Variants in PPP1CA observed in about 807,000 individuals in gnomAD.
The protein encoded by PPP1CA is serine/threonine-protein phosphatase PP1-alpha catalytic subunit.
In PPP1CA, 14 loss-of-function variants were observed where a neutral mutation model predicts 38.5. The observed-to-expected ratio is 0.36, with a 90% CI of 0.24 to 0.57. The LOEUF is 0.57. Among genes scored for constraint, PPP1CA ranks in the 20% least tolerant of loss-of-function variants. PPP1CA has a pLI of 0.80. For synonymous variants in PPP1CA, 200 were observed against 177.3 expected (o/e 1.13, Z -1.02); for missense variants, 277 against 435.2 (o/e 0.64, Z 3.23).
At chr11:67,400,603 A>T in intron 3 of PPP1CA, 86 bp downstream of exon 3, 1 of 1,300,724 alleles carries the variant, frequency 7.7e-7, no homozygotes, top group Non-Finnish European at 1.1e-6. Flanking sequence ...AGTGTCTGTC[A>T]GATATCAGGC....
At chr11:67,400,122 A>G (rs1178547131) in intron 3 of PPP1CA, among the ~76,000 whole-genome samples, 1 of 152,178 alleles carries the variant, frequency 6.6e-6, no homozygotes, top group Non-Finnish European at 1.5e-5. Flanking sequence ...GGGCAACAAG[A>G]GTGAAACTCC....
chr11:67,398,998 T>C lies in PPP1CA; in HGVS notation c.689A>G (p.Glu230Gly). 6.2e-7 allele frequency: 1 copy of C among 1,613,350 alleles called. No homozygotes were observed. The highest frequency in any genetic ancestry group is 1.1e-5 in the South Asian group (1 of 91,084). The change falls in exon 5 of 7, where the codon GAG becomes GGG. Residue 230 changes from glutamate to glycine, a missense_variant. Glu to Gly is a moderately conservative substitution (Grantham distance 98). Coordinates refer to ENST00000376745, the MANE Select transcript of PPP1CA (RefSeq NM_002708.4). ...DRGVSFTFGA[E>G]VVAKFLHKHD... ...CTTGTGGAGGAACTTGGCCACCACC[T>C]CGGCTCCAAAGGTAAAAGAGACGCC...
chr11:67,401,153 C>T lies in PPP1CA; in HGVS notation c.102G>A (p.Glu34=). Reference sequence around the variant, plus strand: ...GGGATTTCAGGCACAGACCGCGGATCTCGTTCTCTGTCAGCTGTACATTCT... The same window carrying T: ...GGGATTTCAGGCACAGACCGCGGATTTCGTTCTCTGTCAGCTGTACATTCT... ...PGKNVQLTEN[E]IRGLCLKSRE... is the part of the protein sequence containing the mutation. Residue 34 remains glutamate (E), a synonymous_variant, in exon 2 of 7, where the codon GAG becomes GAA. Coordinates refer to ENST00000376745, the MANE Select transcript of PPP1CA (RefSeq NM_002708.4). 1 of 1,613,990 alleles carries T rather than the reference C, an allele frequency of 6.2e-7. No individual in the cohort carries two copies. Among genetic ancestry groups the T allele is most frequent in the Non-Finnish European group, 8.5e-7 (1 of 1,180,002 alleles).
chr11:67,399,531 C>T (rs1590936163), intron 4 of PPP1CA, 30 bp downstream of exon 4: 1 of 1,592,038 alleles, frequency 6.3e-7, no homozygotes, highest in Non-Finnish European at 8.6e-7. Flanking sequence ...GCGGCCAGTG[C>T]TCCTCCTCCC....
chr11:67,401,230 A>G lies in PPP1CA; in HGVS notation c.56-31T>C. The stretch of plus-strand genomic sequence containing the variant: ...GCGCAATGGGGTGTCAGGACCCTGG[A>G]CCCTGACAGGAGGAGGGTGGGCGAC... On this transcript the variant is annotated intron_variant, in intron 1 of 6. Coordinates refer to ENST00000376745, the MANE Select transcript of PPP1CA (RefSeq NM_002708.4). The G allele has an allele frequency of 1.4e-5, 22 of 1,610,694 alleles. No homozygotes were observed. Among genetic ancestry groups the G allele is most frequent in the Non-Finnish European group, 1.8e-5 (21 of 1,177,690 alleles).
chr11:67,398,959 AG>A lies in PPP1CA; in HGVS notation c.727del (p.Leu243SerfsTer9). 6.2e-7 allele frequency: 1 copy of A among 1,613,284 alleles called. No individual in the cohort carries two copies. On this transcript the variant is annotated frameshift_variant, in exon 5 of 7. Transcript: ENST00000376745. LOFTEE classifies it high-confidence loss of function. ...AKFLHKHDLD[L>X]ICRAHQVVED... ...GCCCACCTGGTGTGCTCGGCAGATG[AG>A]GTCCAAGTCGTGCTTGTGGAGGAAC...
At chr11:67,401,313 C>A in intron 1 of PPP1CA, 114 bp from the exon 2 acceptor site, 1 of 1,531,730 alleles carries the variant, frequency 6.5e-7, no homozygotes, top group South Asian at 1.2e-5. Context: ...CCCTCCTTGC[C>A]CACAGGCAGC....
intron 4 of PPP1CA, 136 bp downstream of exon 4, chr11:67,399,425 T>G: frequency 1.3e-6 from 1 of 792,988 alleles, no homozygotes; most frequent in African/African-American, 1.7e-5. Flanking sequence ...ATCAAGGAAG[T>G]GAGTGCAGCC....
At chr11:67,401,561 C>T (rs1436768648) in intron 1 of PPP1CA, 167 bp downstream of exon 1, 4 of 601,636 alleles carry the variant, frequency 6.6e-6, no homozygotes, top group Non-Finnish European at 1.0e-5. Flanking sequence ...TCGGAGCTGG[C>T]CCCGGACCTC....
chr11:67,399,481 C>T, intron 4 of PPP1CA, 80 bp downstream of exon 4: 1 of 1,298,454 alleles, frequency 7.7e-7, no homozygotes, highest in South Asian at 1.2e-5. Flanking sequence ...GAGTGACTTC[C>T]CAGATGAGAC....
chr11:67,400,693 A>G lies in PPP1CA; in HGVS notation c.414T>C (p.Asp138=). The stretch of plus-strand genomic sequence containing the variant: ...CCAGACGCTCAGACCACTCACACTC[A>G]TCGTAGAAACCATAGATGCGGTTGA... ...ASINRIYGFY[D]ECKRRYNIKL... Residue 138 remains aspartate, a synonymous_variant, in exon 3 of 7, where the codon GAT becomes GAC. Transcript: ENST00000376745. 6.2e-7 allele frequency: 1 copy of G among 1,613,702 alleles called. No individual in the cohort carries two copies. Among genetic ancestry groups the G allele is most frequent in the Non-Finnish European group, 8.5e-7 (1 of 1,180,004 alleles).
rs1471538680 is a variant in PPP1CA, at chr11:67,401,283, G to A, written c.56-84C>T. On this transcript the variant is annotated intron_variant, in intron 1 of 6. Transcript: ENST00000376745. ...GGGTGGCCCCATGGATACCTCCGGG[G>A]GCGCCTAGGCCTCCTCGGCCCCTCC... The A allele has an allele frequency of 3.1e-6, 5 of 1,593,140 alleles. No homozygotes were observed. The Admixed American group carries it at 8.4e-5, about 27-fold the overall frequency.
chr11:67,400,630 C>A, intron 3 of PPP1CA, 59 bp downstream of exon 3: 1 of 1,511,862 alleles, frequency 6.6e-7, no homozygotes, highest in Non-Finnish European at 9.2e-7. Context: ...GAAGGTCCCA[C>A]TGAATGGCAA....
At chr11:67,399,262 C>T in intron 4 of PPP1CA, 99 bp from the exon 5 acceptor site, 1 of 1,112,610 alleles carries the variant, frequency 9.0e-7, no homozygotes, top group Non-Finnish European at 1.3e-6. Context: ...CCTCCTGGTC[C>T]CGCCACTGGT....
intron 3 of PPP1CA, among the ~76,000 whole-genome samples, chr11:67,400,243 G>A (rs1285590208): frequency 1.3e-5 from 2 of 152,158 alleles, no homozygotes; most frequent in Admixed American, 6.5e-5. Flanking sequence ...GGATCTTCCC[G>A]CCTCGGCCTC....
intron 1 of PPP1CA, 87 bp downstream of exon 1, chr11:67,401,641 G>A (rs1292031810): frequency 1.7e-6 from 2 of 1,148,076 alleles, no homozygotes; most frequent in East Asian, 3.5e-5. Flanking sequence ...AGTCTAAGCT[G>A]GCCCCGGGGG....
intron 2 of PPP1CA, 67 bp from the exon 3 acceptor site, chr11:67,400,986 C>G: frequency 6.2e-7 from 1 of 1,608,808 alleles, no homozygotes; most frequent in East Asian, 2.2e-5. Context: ...CAGGACTGCG[C>G]TCAAGGGAGG....
chr11:67,401,131 A>C lies in PPP1CA; in HGVS notation c.124T>G (p.Ser42Ala). 6.2e-7 allele frequency: 1 copy of C among 1,613,694 alleles called. No homozygotes were observed. Among genetic ancestry groups the C allele is most frequent in the Non-Finnish European group, 8.5e-7 (1 of 1,179,958 alleles). The change falls in exon 2 of 7, where the codon TCC becomes GCC. Residue 42 changes from serine to alanine, a missense_variant. By Grantham distance (99) the Ser-to-Ala change is moderately conservative. This residue lies in a region of PPP1CA where 180 missense variants were observed against 356.7 expected (regional missense o/e 0.50). Coordinates refer to ENST00000376745, the MANE Select transcript of PPP1CA (RefSeq NM_002708.4). ...GGCTGGCTCAGAAAAATCTCCCGGGATTTCAGGCACAGACCGCGGATCTCG... is the reference window on the plus strand; with the variant it reads ...GGCTGGCTCAGAAAAATCTCCCGGGCTTTCAGGCACAGACCGCGGATCTCG... ...ENEIRGLCLK[S>A]REIFLSQPIL... is the part of the protein sequence containing the mutation.
chr11:67,401,506 C>T, intron 1 of PPP1CA: 1 of 566,118 alleles, frequency 1.8e-6, no homozygotes, highest in Non-Finnish European at 3.0e-6. Flanking sequence ...GCCCAGGCAA[C>T]CCGTGCGCCC....
Sources: gnomAD v4.1 joint callset for allele counts (sites outside exome capture counted in the v4.1 genomes callset) on GRCh38, gnomAD v4.1.1 for gene constraint, gnomAD v4.1.1 regional missense constraint, MANE v1.5 for transcripts, NCBI Gene and HGNC (gene_info 2026-07-23, HGNC 2026-07-21) for gene names.